CELF2: variants seen among roughly 807,000 people sequenced by gnomAD.
CELF2 encodes the protein CUGBP Elav-like family member 2, also known as CUG triplet repeat RNA-binding protein 2.
In CELF2, 8 loss-of-function variants were observed where a neutral mutation model predicts 62.6. The ratio of observed to expected loss-of-function variants is 0.13; its 90% CI spans 0.07 to 0.23. The LOEUF (loss-of-function observed/expected upper bound fraction) is 0.23. Among genes scored for constraint, CELF2 ranks in the 10% least tolerant of loss-of-function variants. The pLI, the probability that CELF2 is intolerant of heterozygous loss-of-function variation, is 1.00. For synonymous variants in CELF2, 258 were observed against 250.0 expected, an observed-to-expected ratio of 1.03 and a Z score of -0.30; for missense variants, 333 against 671.0, an observed-to-expected ratio of 0.50 and a Z score of 5.56.
chr10:10,671,633 G>A, the CELF2 span, among the ~76,000 whole-genome samples: 1 of 152,086 alleles, frequency 6.6e-6, no homozygotes, highest in Non-Finnish European at 1.5e-5. Flanking sequence ...CATTCTAATA[G>A]GTGTACAGGT....
chr10:10,583,035 A>G, the CELF2 span, among the ~76,000 whole-genome samples: 1 of 152,200 alleles, frequency 6.6e-6, no homozygotes, highest in Admixed American at 6.5e-5. Flanking sequence ...ACCACGTAGC[A>G]TAAAGAAAGA....
chr10:10,826,991 T>A (rs1247866619), intron 1 of CELF2, among the ~76,000 whole-genome samples: 1 of 152,186 alleles, frequency 6.6e-6, no homozygotes, highest in East Asian at 1.9e-4. Flanking sequence ...TTCCCTGGGA[T>A]CTTTCAGGGA....
At chr10:10,657,065 A>G in the CELF2 span, among the ~76,000 whole-genome samples, 1 of 152,194 alleles carries the variant, frequency 6.6e-6, no homozygotes, top group Non-Finnish European at 1.5e-5. Context: ...GTATATTCAT[A>G]TGGCAGAATA....
intron 2 of CELF2, chr10:11,171,406 A>T: frequency 6.6e-6 from 1 of 152,546 alleles, no homozygotes. Flanking sequence ...TTCCATCTTA[A>T]AGGCTTTACT....
the CELF2 span, among the ~76,000 whole-genome samples, chr10:10,746,293 A>C: frequency 1.3e-5 from 2 of 152,356 alleles, no homozygotes; most frequent in South Asian, 4.1e-4. Context: ...ATTGACACAG[A>C]CATTAAAAGT....
In CELF2 at chr10:10,991,379, T is replaced by C. The variant is rs1473317996; in HGVS notation, c.89+71380T>C. ...CTATGAGGCACACGCTAAGGGGATGTGACAAGAGTCTCAGTGGGGATGATC... is the reference window on the plus strand; with the variant it reads ...CTATGAGGCACACGCTAAGGGGATGCGACAAGAGTCTCAGTGGGGATGATC... On this transcript the variant is annotated intron_variant, in intron 2 of 13. Transcript: ENST00000636488. Among the ~76,000 whole-genome samples, 3 of 152,124 alleles carry C rather than the reference T, an allele frequency of 2.0e-5. No homozygotes were observed. The East Asian group carries it at 5.8e-4, about 29-fold the overall frequency.
chr10:10,919,934 A>G lies in CELF2; in HGVS notation c.54-30A>G, dbSNP rs139972448. 6,680 of 1,224,458 alleles carry G rather than the reference A, an allele frequency of 5.5e-3. 18 individuals carry two copies. The highest frequency in any genetic ancestry group is 6.1e-3 in the Non-Finnish European group (5,974 of 981,376). The allele number at this position is 1,224,458 out of a possible 1,614,324, so 75.8% of individuals were successfully genotyped here. A position where few individuals can be genotyped will look rare whatever the true frequency, so the allele number is the denominator to read the frequency against. The stretch of plus-strand genomic sequence containing the variant: ...ATAATTCACCAAAATAAACTTAATC[A>G]TACTTATCTTCTTTTTCTCCTTCCT... On this transcript the variant is annotated intron_variant, in intron 1 of 13. Transcript: ENST00000636488.
At chr10:10,894,365 T>C (rs563145252) in intron 1 of CELF2, among the ~76,000 whole-genome samples, 1 of 152,312 alleles carries the variant, frequency 6.6e-6, no homozygotes, top group East Asian at 1.9e-4. Flanking sequence ...ACTTGATGGA[T>C]TTAATGTAAT....
intron 1 of CELF2, among the ~76,000 whole-genome samples, chr10:10,866,350 G>A (rs2060358405): frequency 8.3e-6 from 1 of 119,876 alleles, no homozygotes; most frequent in Non-Finnish European, 1.7e-5. Flanking sequence ...GATGACTCAT[G>A]CCTGTAATCC....
intron 2 of CELF2, among the ~76,000 whole-genome samples, chr10:11,197,109 T>G (rs1366356075): frequency 1.4e-5 from 2 of 145,106 alleles, no homozygotes; most frequent in African/African-American, 5.0e-5. Flanking sequence ...GTTCCCATTG[T>G]TCTCGCATTC....
chr10:10,899,465 CA>C (rs960428894), intron 1 of CELF2, among the ~76,000 whole-genome samples: 9 of 152,108 alleles, frequency 5.9e-5, no homozygotes, highest in African/African-American at 1.2e-4. Flanking sequence ...CAACCTAGAT[CA>C]GGGGTGAACA....
At chr10:11,154,760 G>A (rs1170170714) in intron 1 of CELF2, among the ~76,000 whole-genome samples, 1 of 152,276 alleles carries the variant, frequency 6.6e-6, no homozygotes, top group East Asian at 1.9e-4. Flanking sequence ...AAGAACTAAA[G>A]TTTACTTCTG....
At chr10:10,790,740 TA>T in the CELF2 span, among the ~76,000 whole-genome samples, 1 of 152,160 alleles carries the variant, frequency 6.6e-6, no homozygotes, top group Non-Finnish European at 1.5e-5. Flanking sequence ...TTCTATGAAT[TA>T]AATATGTTCA....
intron 3 of CELF2, among the ~76,000 whole-genome samples, chr10:11,222,504 G>A (rs2065158941): frequency 6.6e-6 from 1 of 152,190 alleles, no homozygotes; most frequent in South Asian, 2.1e-4. Context: ...GAACAGGTTT[G>A]AGTCCTCGAA....
intron 1 of CELF2, among the ~76,000 whole-genome samples, chr10:10,831,602 G>A (rs998453905): frequency 1.2e-4 from 18 of 152,200 alleles, no homozygotes; most frequent in Admixed American, 2.6e-4. Context: ...ATCTCCACCT[G>A]GTCAAGCTGT....
intron 1 of CELF2, among the ~76,000 whole-genome samples, chr10:10,815,225 C>A (rs1419786093): frequency 2.6e-5 from 4 of 152,202 alleles, no homozygotes; most frequent in Admixed American, 2.6e-4. Context: ...CACTGATGTG[C>A]TCCTCTTTGC....
chr10:11,142,450 C>G (rs973996205), intron 1 of CELF2, among the ~76,000 whole-genome samples: 1 of 151,720 alleles, frequency 6.6e-6, no homozygotes, highest in Admixed American at 6.6e-5. Flanking sequence ...TTTGGGAGGC[C>G]GAGGCAGGCA....
the CELF2 span, among the ~76,000 whole-genome samples, chr10:10,561,787 C>G: frequency 6.6e-6 from 1 of 152,144 alleles, no homozygotes; most frequent in Non-Finnish European, 1.5e-5. Context: ...TGCCCAGGAC[C>G]CTTCCTGGCT....
At chr10:10,945,884 A>T (rs920286730) in intron 2 of CELF2, 4 of 152,498 alleles carry the variant, frequency 2.6e-5, no homozygotes, top group Non-Finnish European at 4.4e-5. Context: ...CTACCCTCAA[A>T]CAATATGTTT....
Sources: gnomAD v4.1 joint callset for allele counts (sites outside exome capture counted in the v4.1 genomes callset) on GRCh38, gnomAD v4.1.1 for gene constraint, MANE v1.5 for transcripts, NCBI Gene and HGNC (gene_info 2026-07-23, HGNC 2026-07-21) for gene names.